The following CCSER1 variants were observed in gnomAD, a reference collection of about 807,000 sequenced individuals.
The protein encoded by CCSER1 is serine-rich coiled-coil domain-containing protein 1.
CCSER1 carries 41 observed loss-of-function variants against 82.0 expected under a neutral mutation model. The ratio of observed to expected loss-of-function variants is 0.50; its 90% CI spans 0.39 to 0.65. The LOEUF is 0.65. CCSER1 is among the 30% of genes least tolerant of loss of function. The pLI is 0.00. For missense variants in CCSER1, 1,119 were observed against 1,064.2 expected (o/e 1.05, Z -0.72); for synonymous variants, 414 against 383.9 (o/e 1.08, Z -0.92).
chr4:91,476,620 G>A (rs1400438931), intron 10 of CCSER1, among the ~76,000 whole-genome samples: 4 of 151,262 alleles, frequency 2.6e-5, no homozygotes, highest in African/African-American at 9.7e-5. Context: ...GAACAAAGCT[G>A]GAGACATCAT....
Position 90,808,497 on chromosome 4 carries a change from A to G in CCSER1, c.2011-7265A>G, listed in dbSNP as rs144252386. Among the ~76,000 whole-genome samples, 69 of 152,322 alleles carry G rather than the reference A, an allele frequency of 4.5e-4. 1 individual carries two copies. In the East Asian group the frequency reaches 0.011, roughly 25 times the overall value. ...AAATATTTGCCACCTGTACATCGAC[A>G]AAGAACTAATATCCAGAATCTACAA... On this transcript the variant is annotated intron_variant, in intron 7 of 10. Coordinates refer to ENST00000509176, the MANE Select transcript of CCSER1 (RefSeq NM_001145065.2).
chr4:91,558,487 C>T (rs1233591582), intron 10 of CCSER1, among the ~76,000 whole-genome samples: 1 of 151,406 alleles, frequency 6.6e-6, no homozygotes, highest in Non-Finnish European at 1.5e-5. Flanking sequence ...TTGCTGATGT[C>T]TGAAATCACA....
intron 7 of CCSER1, among the ~76,000 whole-genome samples, chr4:90,810,934 G>C (rs1252763114): frequency 6.9e-6 from 1 of 144,214 alleles, no homozygotes; most frequent in African/African-American, 2.5e-5. Flanking sequence ...CCGGGTTCAC[G>C]CCATTCTCCT....
chr4:90,705,646 G>T (rs1739185165), intron 6 of CCSER1, among the ~76,000 whole-genome samples: 1 of 152,168 alleles, frequency 6.6e-6, no homozygotes, highest in Non-Finnish European at 1.5e-5. Flanking sequence ...TGGCTGCTTT[G>T]TTTACCTACT....
chr4:91,226,985 T>A (rs577711110), intron 10 of CCSER1, among the ~76,000 whole-genome samples: 58 of 152,010 alleles, frequency 3.8e-4, no homozygotes, highest in African/African-American at 1.3e-3. Context: ...GAGGATTACA[T>A]GAATTGATCC....
At position 91,240,075 on chromosome 4, in the gene CCSER1, A is replaced by C. The variant is rs1342219995; in HGVS notation, c.2217+154081A>C. On this transcript the variant is annotated intron_variant, in intron 10 of 10. Transcript: ENST00000509176. Reference sequence around the variant, plus strand: ...ACTGAAATCTCTACTCATAAAATACATTTTTTTTTTTTTTTTTTGAGACAG... The same window carrying C: ...ACTGAAATCTCTACTCATAAAATACCTTTTTTTTTTTTTTTTTTGAGACAG... Among the ~76,000 whole-genome samples, 91 of 44,470 alleles carry C rather than the reference A, an allele frequency of 2.0e-3. 15 individuals carry two copies. Among genetic ancestry groups the C allele is most frequent in the Non-Finnish European group, 3.5e-3 (84 of 23,882 alleles). 29.2% of individuals were successfully genotyped at this position (44,470 alleles called of 152,430 possible).
intron 7 of CCSER1, chr4:90,727,207 A>G (rs955704033): frequency 8.8e-6 from 4 of 455,166 alleles, no homozygotes; most frequent in African/African-American, 8.0e-5. Flanking sequence ...TTAATAGAAT[A>G]TTCAGCATTA....
chr4:90,748,631 G>A (rs111590633), intron 7 of CCSER1, among the ~76,000 whole-genome samples: 1 of 145,820 alleles, frequency 6.9e-6, no homozygotes, highest in Non-Finnish European at 1.5e-5. Context: ...CACAATGGTT[G>A]AACTAGTTTA....
chr4:90,714,161 A>G (rs1371927917), intron 6 of CCSER1, among the ~76,000 whole-genome samples: 1 of 151,938 alleles, frequency 6.6e-6, no homozygotes, highest in South Asian at 2.1e-4. Context: ...ATCTTTAAAT[A>G]TCTACTTTTA....
At chr4:90,343,184 C>G (rs1360385953) in intron 3 of CCSER1, among the ~76,000 whole-genome samples, 1 of 152,082 alleles carries the variant, frequency 6.6e-6, no homozygotes, top group African/African-American at 2.4e-5. Context: ...TTTTGGGGGC[C>G]TTTATCAACT....
chr4:90,255,071 T>C (rs1208720518), intron 1 of CCSER1, among the ~76,000 whole-genome samples: 4 of 151,984 alleles, frequency 2.6e-5, no homozygotes, highest in African/African-American at 9.7e-5. Context: ...AGTAATGGTC[T>C]TCTTTTTAAT....
At chr4:91,120,596 C>T (rs1273161182) in intron 10 of CCSER1, among the ~76,000 whole-genome samples, 2 of 151,824 alleles carry the variant, frequency 1.3e-5, no homozygotes, top group Non-Finnish European at 2.9e-5. Flanking sequence ...AGGTTGAGTA[C>T]TTGTGAAAAT....
In CCSER1 at chr4:91,264,041, A is replaced by C. The variant is rs78966093; in HGVS notation, c.2217+178047A>C. Reference sequence around the variant, plus strand: ...TGACAAAAGAAGGAAACAGAGAAATAATTACACTACCATGTACCCGAACCA... The same window carrying C: ...TGACAAAAGAAGGAAACAGAGAAATCATTACACTACCATGTACCCGAACCA... On this transcript the variant is annotated intron_variant, in intron 10 of 10. Transcript: ENST00000509176. Among the ~76,000 whole-genome samples, 682 of 152,114 alleles carry C rather than the reference A, an allele frequency of 4.5e-3. 2 individuals carry two copies. The highest frequency in any genetic ancestry group is 0.014 in the South Asian group (68 of 4,828).
chr4:90,217,208 T>C (rs1741209695), intron 1 of CCSER1, among the ~76,000 whole-genome samples: 1 of 152,150 alleles, frequency 6.6e-6, no homozygotes, highest in Non-Finnish European at 1.5e-5. Context: ...TTTTGTTTTT[T>C]ATTTTTGAGA....
intron 1 of CCSER1, among the ~76,000 whole-genome samples, chr4:90,129,981 T>C (rs1722537620): frequency 6.6e-6 from 1 of 152,240 alleles, no homozygotes; most frequent in Non-Finnish European, 1.5e-5. Context: ...GTCCTATTTA[T>C]GAGTATTTTG....
chr4:91,440,933 C>T (rs1211950352), intron 10 of CCSER1, among the ~76,000 whole-genome samples: 1 of 152,036 alleles, frequency 6.6e-6, no homozygotes, highest in Non-Finnish European at 1.5e-5. Flanking sequence ...GAAGTTGAAT[C>T]TCTGAATAGA....
intron 6 of CCSER1, among the ~76,000 whole-genome samples, chr4:90,723,440 G>T (rs1213697461): frequency 6.6e-6 from 1 of 151,698 alleles, no homozygotes; most frequent in East Asian, 1.9e-4. Context: ...TTTTCAGTTT[G>T]TAATTGTATA....
chr4:90,926,785 G>C (rs544100647), intron 9 of CCSER1, among the ~76,000 whole-genome samples: 1 of 151,962 alleles, frequency 6.6e-6, no homozygotes, highest in South Asian at 2.1e-4. Flanking sequence ...CCTCTTCCAC[G>C]TTCCTCTGTC....
chr4:90,487,956 T>C (rs1767371825), intron 5 of CCSER1, among the ~76,000 whole-genome samples: 1 of 152,124 alleles, frequency 6.6e-6, no homozygotes, highest in Non-Finnish European at 1.5e-5. Flanking sequence ...AGTGTTTTAA[T>C]GAGTTGCAGT....
Sources: allele counts gnomAD v4.1 joint callset (sites outside exome capture counted in the v4.1 genomes callset), GRCh38; gene constraint gnomAD v4.1.1; transcripts MANE v1.5; gene names NCBI Gene and HGNC (gene_info 2026-07-23, HGNC 2026-07-21).